Variants in ZNF133 observed in about 807,000 individuals in gnomAD.
ZNF133 encodes zinc finger protein 133.
Under a neutral mutation model 54.9 loss-of-function variants are expected in ZNF133, and 26 were observed. That is an observed-to-expected ratio of 0.47 (90% confidence interval 0.35 to 0.66). The LOEUF (loss-of-function observed/expected upper bound fraction) is 0.66, where lower values mean the gene tolerates loss of function less well. Ranked by LOEUF, ZNF133 falls within the 30% of genes least tolerant of loss-of-function variation. The probability of loss-of-function intolerance (pLI) is 0.01; values close to 1 mark genes in which losing one functional copy is unlikely to be tolerated. For synonymous variants in ZNF133, 298 were observed against 320.3 expected (o/e 0.93, Z 0.74); for missense variants, 653 against 820.8 (o/e 0.80, Z 2.50).
intron 2 of ZNF133, 32 bp from the exon 3 acceptor site, chr20:18,298,257 G>A: frequency 7.0e-7 from 1 of 1,423,240 alleles, no homozygotes; most frequent in Non-Finnish European, 9.2e-7. Flanking sequence ...CAATTCTACA[G>A]TATGAGATAG....
intron 1 of ZNF133, 129 bp from the exon 2 acceptor site, chr20:18,297,856 T>C (rs2042555881): frequency 1.7e-6 from 1 of 600,450 alleles, no homozygotes; most frequent in African/African-American, 1.9e-5. Context: ...GCAGTATCTT[T>C]TCCTTGCTTT....
Position 18,316,121 on chromosome 20 carries a change from A to T in ZNF133, c.1270A>T (p.Thr424Ser). 6.2e-7 allele frequency: 1 copy of T among 1,612,404 alleles called. No individual in the cohort carries two copies. The highest frequency in any genetic ancestry group is 8.5e-7 in the Non-Finnish European group (1 of 1,179,108). ...VCGHSFSQNS[T>S]LISHRRTHTG... Reference sequence around the variant, plus strand: ...TGGGCACAGCTTCAGCCAGAATTCAACCCTCATCTCTCACAGGCGGACACA... The same window carrying T: ...TGGGCACAGCTTCAGCCAGAATTCATCCCTCATCTCTCACAGGCGGACACA... Residue 424 changes from threonine to serine, a missense_variant, in exon 7 of 7, where the codon ACC becomes TCC. Physicochemically the swap from Thr to Ser is moderately conservative, Grantham distance 58. Coordinates refer to ENST00000425686, the MANE Select transcript of ZNF133 (RefSeq NM_001352452.2).
intron 1 of ZNF133, among the ~76,000 whole-genome samples, chr20:18,295,965 G>A (rs1160155790): frequency 2.6e-5 from 4 of 152,004 alleles, no homozygotes; most frequent in Non-Finnish European, 5.9e-5. Flanking sequence ...CTGTATATAC[G>A]TAGTGTTTTT....
chr20:18,297,903 G>A, intron 1 of ZNF133, 82 bp from the exon 2 acceptor site: 2 of 850,976 alleles, frequency 2.4e-6, no homozygotes, highest in South Asian at 1.6e-5. Context: ...CCCCAGTTGT[G>A]GGGTTAAAGA....
In ZNF133 at chr20:18,316,730, A is replaced by G. The variant is rs779700151; in HGVS notation, c.1879A>G (p.Thr627Ala). 6.2e-7 allele frequency: 1 copy of G among 1,614,108 alleles called. No individual in the cohort carries two copies. Among genetic ancestry groups the G allele is most frequent in the Non-Finnish European group, 8.5e-7 (1 of 1,179,952 alleles). Residue 627 changes from threonine to alanine, a missense_variant, in exon 7 of 7, where the codon ACC (threonine) becomes GCC (alanine). Physicochemically the swap from Thr to Ala is moderately conservative, Grantham distance 58 (BLOSUM62 0). Transcript: ENST00000425686. Reference protein sequence around the residue: ...LKSHLSRHRKTTSVHHRLPVQ... With the variant: ...LKSHLSRHRKATSVHHRLPVQ... ...GTCTCACCTCAGCAGACACAGGAAG[A>G]CCACGTCTGTCCACCACAGACTGCC...
intron 3 of ZNF133, among the ~76,000 whole-genome samples, chr20:18,302,585 T>G (rs373555778): frequency 2.4e-4 from 37 of 152,300 alleles, no homozygotes; most frequent in African/African-American, 8.4e-4. Context: ...ATCTCACAGC[T>G]AACATACTCC....
Position 18,316,778 on chromosome 20 carries a change from T to C in ZNF133, c.1927T>C (p.Cys643Arg). The C allele has an allele frequency of 1.9e-6, 3 of 1,613,814 alleles. No individual in the cohort carries two copies. The highest frequency in any genetic ancestry group is 2.5e-6 in the Non-Finnish European group (3 of 1,179,826). The part of the protein sequence containing the change: ...RLPVQPDPEP[C>R]AGQPSDSLYS... ...GCCAGTGCAGCCCGACCCTGAGCCGTGTGCAGGGCAACCTTCGGATTCCTT... is the reference window on the plus strand; with the variant it reads ...GCCAGTGCAGCCCGACCCTGAGCCGCGTGCAGGGCAACCTTCGGATTCCTT... Residue 643 changes from cysteine to arginine, a missense_variant, in exon 7 of 7, where the codon TGT (cysteine) becomes CGT (arginine). Transcript: ENST00000425686.
Position 18,303,668 on chromosome 20 carries a change from A to G in ZNF133, c.-177-1340A>G, listed in dbSNP as rs562842638. Among the ~76,000 whole-genome samples, 8 of 152,320 alleles carry G rather than the reference A, an allele frequency of 5.3e-5. No individual in the cohort carries two copies. In the East Asian group the frequency reaches 1.5e-3, roughly 29 times the overall value. ...ATATATGGTCAAATGATTTTTGACA[A>G]GAGTGGCAAGACCATTCAATATGAA... On this transcript the variant is annotated intron_variant, in intron 3 of 6. Coordinates refer to ENST00000425686, the MANE Select transcript of ZNF133 (RefSeq NM_001352452.2).
At position 18,298,375 on chromosome 20, in the gene ZNF133, A is replaced by T; in HGVS notation, c.-267A>T. The T allele has an allele frequency of 8.3e-7, 1 of 1,204,208 alleles. No individual in the cohort carries two copies. Among genetic ancestry groups the T allele is most frequent in the Non-Finnish European group, 1.0e-6 (1 of 960,692 alleles). The allele number at this position is 1,204,208 out of a possible 1,614,324, so 74.6% of individuals were successfully genotyped here. ...CTGTGTCCCCACCTAGACAACGATT[A>T]TACTGGCAGGATCTATCAGGTGTAC... On this transcript the variant is annotated 5_prime_UTR_variant, in exon 3 of 7. Transcript: ENST00000425686.
At chr20:18,302,199 G>A (rs540279234) in intron 3 of ZNF133, among the ~76,000 whole-genome samples, 5 of 152,002 alleles carry the variant, frequency 3.3e-5, no homozygotes, top group Non-Finnish European at 5.9e-5. Context: ...TCAGGAGTTC[G>A]AGACCAGCCT....
intron 6 of ZNF133, among the ~76,000 whole-genome samples, chr20:18,309,171 T>G (rs971453056): frequency 3.9e-5 from 6 of 152,192 alleles, no homozygotes; most frequent in African/African-American, 1.4e-4. Flanking sequence ...ACGACCTTAT[T>G]TAACCTTAAT....
At position 18,305,931 on chromosome 20, in the gene ZNF133, C is replaced by T. The variant is rs1205335486; in HGVS notation, c.121+124C>T. 3.9e-6 allele frequency: 5 copies of T among 1,282,370 alleles called. No individual in the cohort carries two copies. Among genetic ancestry groups the T allele is most frequent in the African/African-American group, 1.5e-5 (1 of 66,752 alleles). The allele number at this position is 1,282,370 out of a possible 1,614,324, so 79.4% of individuals were successfully genotyped here. On this transcript the variant is annotated intron_variant, in intron 5 of 6. Transcript: ENST00000425686. This position sits in a 1 kb window ranked among gnomAD's most constrained non-coding sequence, Gnocchi z 4.7. Reference sequence around the variant, plus strand: ...GACCAAAAAGCAACTACATTTTATTCGTGTTTCCCCAGGGAGGGTCTGATT... The same window carrying T: ...GACCAAAAAGCAACTACATTTTATTTGTGTTTCCCCAGGGAGGGTCTGATT...
At chr20:18,308,336 G>A (rs987635874) in intron 6 of ZNF133, among the ~76,000 whole-genome samples, 5 of 152,028 alleles carry the variant, frequency 3.3e-5, no homozygotes, top group African/African-American at 1.2e-4. Context: ...AGGGACCATA[G>A]CATACATAAT....
In ZNF133 at chr20:18,316,227, T is replaced by TA. The variant is rs781737368; in HGVS notation, c.1377dup (p.His460ThrfsTer73). On this transcript the variant is annotated frameshift_variant, in exon 7 of 7. Transcript: ENST00000425686. LOFTEE classifies it high-confidence loss of function. ...TCACACCTCAACAGACACCAGAACA[T>TA]ACACTCAGGAGAGAAGCCCATTGTG... The TA allele has an allele frequency of 3.1e-6, 5 of 1,594,770 alleles. No homozygotes were observed. Among genetic ancestry groups the TA allele is most frequent in the Non-Finnish European group, 4.3e-6 (5 of 1,172,620 alleles).
chr20:18,292,188 C>A (rs1470014046), intron 1 of ZNF133, among the ~76,000 whole-genome samples: 1 of 152,156 alleles, frequency 6.6e-6, no homozygotes, highest in Non-Finnish European at 1.5e-5. Flanking sequence ...TTTGTTTCTG[C>A]CTATGTCCCG....
intron 6 of ZNF133, among the ~76,000 whole-genome samples, chr20:18,310,467 C>T (rs1233725133): frequency 6.6e-6 from 1 of 152,162 alleles, no homozygotes; most frequent in Admixed American, 6.5e-5. Context: ...GTAACGGAAT[C>T]ATTTGCAACA....
At chr20:18,291,215 G>A (rs1290014925) in intron 1 of ZNF133, among the ~76,000 whole-genome samples, 5 of 151,994 alleles carry the variant, frequency 3.3e-5, no homozygotes, top group Admixed American at 2.0e-4. Context: ...CTCCCATTTA[G>A]AGCTGAACTC....
At chr20:18,306,677 TC>T in intron 6 of ZNF133, 1 of 1,313,288 alleles carries the variant, frequency 7.6e-7, no homozygotes, top group Non-Finnish European at 1.0e-6. Context: ...TATATGGGCT[TC>T]TTTCTCTTGT....
chr20:18,292,003 G>A (rs778308377), intron 1 of ZNF133, among the ~76,000 whole-genome samples: 1 of 152,134 alleles, frequency 6.6e-6, no homozygotes, highest in South Asian at 2.1e-4. Flanking sequence ...AAGCATTTCA[G>A]CTCTTTCCTT....
Sources: allele counts gnomAD v4.1 joint callset (sites outside exome capture counted in the v4.1 genomes callset), GRCh38; gene constraint gnomAD v4.1.1; non-coding constraint Gnocchi (gnomAD v3.1); transcripts MANE v1.5; gene names NCBI Gene and HGNC (gene_info 2026-07-23, HGNC 2026-07-21).